The following DHX15 variants were observed in gnomAD, a reference collection of about 807,000 sequenced individuals.
DHX15 encodes the protein DEAH-box helicase 15.
DHX15 carries 11 observed loss-of-function variants against 94.4 expected under a neutral mutation model. That is an observed-to-expected ratio of 0.12 (90% CI 0.07 to 0.19). DHX15 has a LOEUF of 0.19. Ranked by LOEUF, DHX15 falls within the 10% of genes least tolerant of loss-of-function variation. The probability of loss-of-function intolerance (pLI) is 1.00; values close to 1 mark genes in which losing one functional copy is unlikely to be tolerated. For synonymous variants in DHX15, 338 were observed against 329.9 expected (o/e 1.02, Z -0.27); for missense variants, 304 against 988.5 (o/e 0.31, Z 9.29).
At chr4:24,547,945 A>ATATATC (rs1721484213) in intron 6 of DHX15, among the ~76,000 whole-genome samples, 6 of 49,022 alleles carry the variant, frequency 1.2e-4, no homozygotes, top group African/African-American at 5.3e-4. Context: ...ATATATATCT[A>ATATATC]TATCTATATC....
intron 6 of DHX15, among the ~76,000 whole-genome samples, chr4:24,547,540 A>C (rs545222446): frequency 8.5e-5 from 13 of 152,372 alleles, no homozygotes; most frequent in Admixed American, 6.5e-4. Flanking sequence ...AAGGATGCAC[A>C]AACAGGACAT....
intron 1 of DHX15, among the ~76,000 whole-genome samples, chr4:24,581,177 C>T (rs143961082): frequency 0.073 from 11,014 of 151,744 alleles, 425 homozygotes; most frequent in African/African-American, 0.098. Context: ...TACAGGTGCC[C>T]GCCACCACAC....
chr4:24,542,048 G>A, intron 7 of DHX15, 26 bp from the exon 8 acceptor site: 1 of 1,553,836 alleles, frequency 6.4e-7, no homozygotes, highest in Non-Finnish European at 8.8e-7. Flanking sequence ...TAACACAAGA[G>A]TCTTTCTTCA....
intron 7 of DHX15, 148 bp from the exon 8 acceptor site, chr4:24,542,170 C>G (rs1163363406): frequency 1.7e-6 from 1 of 593,506 alleles, no homozygotes; most frequent in African/African-American, 1.9e-5. Context: ...AGACAACCCA[C>G]CATCCTGAAC....
At chr4:24,539,745 A>G (rs1479021344) in intron 10 of DHX15, 1 of 158,098 alleles carries the variant, frequency 6.3e-6, no homozygotes, top group Non-Finnish European at 1.4e-5. Flanking sequence ...AGAGCTAAGT[A>G]CTAGAGCAAA....
chr4:24,529,156 G>A (rs372824232), intron 13 of DHX15, among the ~76,000 whole-genome samples: 5 of 152,084 alleles, frequency 3.3e-5, no homozygotes, highest in African/African-American at 7.2e-5. Flanking sequence ...CCCAGTAGCT[G>A]GGACTATAGA....
At chr4:24,574,576 T>C (rs929695996) in intron 2 of DHX15, among the ~76,000 whole-genome samples, 2 of 152,144 alleles carry the variant, frequency 1.3e-5, no homozygotes, top group African/African-American at 4.8e-5. Context: ...CAGTATGAAA[T>C]ATAAAACTTT....
At chr4:24,545,743 G>C (rs1455928161) in intron 6 of DHX15, among the ~76,000 whole-genome samples, 1 of 152,176 alleles carries the variant, frequency 6.6e-6, no homozygotes, top group Non-Finnish European at 1.5e-5. Flanking sequence ...CATACAACCA[G>C]GAACCCATCA....
At chr4:24,551,471 GT>G (rs1288049917) in intron 5 of DHX15, among the ~76,000 whole-genome samples, 2 of 151,626 alleles carry the variant, frequency 1.3e-5, no homozygotes, top group Non-Finnish European at 2.9e-5. Flanking sequence ...AAACACATCA[GT>G]TTTTTTTAAA....
intron 3 of DHX15, among the ~76,000 whole-genome samples, chr4:24,561,202 TAAGTA>T (rs1721867313): frequency 6.6e-6 from 1 of 152,226 alleles, no homozygotes; most frequent in Admixed American, 6.5e-5. Context: ...TAGAATTTGT[TAAGTA>T]AACTAAGGTA....
At chr4:24,567,060 A>G (rs1018224690) in intron 3 of DHX15, among the ~76,000 whole-genome samples, 5 of 152,214 alleles carry the variant, frequency 3.3e-5, no homozygotes, top group African/African-American at 1.2e-4. Flanking sequence ...ACTAATCATT[A>G]TGTGTACAAA....
At chr4:24,529,988 G>T in intron 12 of DHX15, 2 of 555,284 alleles carry the variant, frequency 3.6e-6, no homozygotes, top group Non-Finnish European at 3.1e-6. Flanking sequence ...AATCCAAAAT[G>T]GTTTATTTAT....
chr4:24,547,995 G>A (rs1200391470), intron 6 of DHX15, among the ~76,000 whole-genome samples: 1 of 144,782 alleles, frequency 6.9e-6, no homozygotes, highest in Non-Finnish European at 1.5e-5. Flanking sequence ...TCTGCTGATG[G>A]GGAATCAAAG....
At chr4:24,559,230 G>C (rs985709288) in intron 3 of DHX15, among the ~76,000 whole-genome samples, 13 of 151,974 alleles carry the variant, frequency 8.6e-5, no homozygotes, top group Non-Finnish European at 1.8e-4. Flanking sequence ...GCTAAGGACT[G>C]TTAGCCACCA....
chr4:24,555,284 C>T (rs1201258762), intron 4 of DHX15, among the ~76,000 whole-genome samples: 4 of 144,288 alleles, frequency 2.8e-5, no homozygotes, highest in African/African-American at 1.0e-4. Flanking sequence ...CAAAACTTTG[C>T]AAATAGGAAA....
rs762625353 is a variant in DHX15 at position 24,537,159 on chromosome 4, C to T, written c.1801G>A (p.Val601Ile). The change falls in exon 11 of 14, where the codon GTT (valine) becomes ATT (isoleucine). Residue 601 changes from valine to isoleucine, a missense_variant. Physicochemically the swap from Val to Ile is conservative, Grantham distance 29 (BLOSUM62 3). Transcript: ENST00000336812. The surrounding 1 kb of genome is among the most constrained non-coding windows in gnomAD (Gnocchi z 4.7). ...GCTTTCTTGGCCTCCGTGGGGCGAA[C>T]AAAACACTGTGGGACTAAACAAGGT... Reference protein sequence around the residue: ...TAMLSVPQCFVRPTEAKKAAD... With the variant: ...TAMLSVPQCFIRPTEAKKAAD... 6.2e-7 allele frequency: 1 copy of T among 1,613,702 alleles called. No individual in the cohort carries two copies. The highest frequency in any genetic ancestry group is 8.5e-7 in the Non-Finnish European group (1 of 1,179,776).
rs541738652 is a variant in DHX15 at position 24,529,489 on chromosome 4, C to G, written c.2270+112G>C. 6.6e-6 allele frequency: 6 copies of G among 907,264 alleles called. No individual in the cohort carries two copies. In the Admixed American group the frequency reaches 1.2e-4, roughly 18 times the overall value. The allele number at this position is 907,264 out of a possible 1,614,324, so 56.2% of individuals were successfully genotyped here. ...CAGTCAATTCCCTCATACCTACACA[C>G]TGAAATATAAATTCTCAATGAGTGA... is the stretch of plus-strand genomic sequence containing the variant. On this transcript the variant is annotated intron_variant, in intron 13 of 13. Coordinates refer to ENST00000336812, the MANE Select transcript of DHX15 (RefSeq NM_001358.3).
chr4:24,531,396 T>C (rs2109391369), intron 12 of DHX15, among the ~76,000 whole-genome samples: 1 of 152,112 alleles, frequency 6.6e-6, no homozygotes, highest in African/African-American at 2.4e-5. Context: ...CCAGTTTTTT[T>C]CTGAAATATA....
At chr4:24,540,775 A>C (rs190284214) in intron 9 of DHX15, 65 bp downstream of exon 9, 3 of 882,590 alleles carry the variant, frequency 3.4e-6, no homozygotes, top group East Asian at 5.0e-5. Context: ...AATAGGATGG[A>C]GAAAAACACT....
Sources: gnomAD v4.1 joint callset for allele counts (sites outside exome capture counted in the v4.1 genomes callset) on GRCh38, gnomAD v4.1.1 for gene constraint, Gnocchi (gnomAD v3.1) non-coding constraint, MANE v1.5 for transcripts, NCBI Gene and HGNC (gene_info 2026-07-23, HGNC 2026-07-21) for gene names.